The following CTNND2 variants were observed in gnomAD, a reference collection of about 807,000 sequenced individuals.
The protein encoded by CTNND2 is catenin delta 2.
In CTNND2, 22 loss-of-function variants were observed where a neutral mutation model predicts 144.4. That is an observed-to-expected ratio of 0.15 (90% CI 0.11 to 0.22). The LOEUF is 0.22. CTNND2 is among the 10% of genes least tolerant of loss of function. The probability of loss-of-function intolerance (pLI) is 1.00; values close to 1 mark genes in which losing one functional copy is unlikely to be tolerated. For missense variants in CTNND2, 1,353 were observed against 1,618.8 expected (o/e 0.84, Z 2.82); for synonymous variants, 751 against 695.6 (o/e 1.08, Z -1.25).
intron 9 of CTNND2, among the ~76,000 whole-genome samples, chr5:11,342,757 T>C (rs550495204): frequency 1.5e-4 from 23 of 152,328 alleles, no homozygotes; most frequent in African/African-American, 4.8e-4. Context: ...TGTTTCATCA[T>C]CAAATTTTCA....
intron 2 of CTNND2, among the ~76,000 whole-genome samples, chr5:11,655,350 G>A (rs1782856950): frequency 6.6e-6 from 1 of 151,564 alleles, no homozygotes; most frequent in Admixed American, 6.6e-5. Context: ...ATTATTTCCT[G>A]GATCTTTCAT....
intron 10 of CTNND2, among the ~76,000 whole-genome samples, chr5:11,202,055 TTTAG>T (rs1737498684): frequency 1.3e-5 from 2 of 152,328 alleles, no homozygotes; most frequent in African/African-American, 4.8e-5. Context: ...GTTCTCTGAA[TTTAG>T]TTATTTAAAT....
intron 1 of CTNND2, among the ~76,000 whole-genome samples, chr5:11,762,336 T>C (rs768193220): frequency 9.9e-5 from 15 of 152,240 alleles, no homozygotes; most frequent in Non-Finnish European, 1.9e-4. Context: ...GAGTCTTTAA[T>C]AGAGCAGAGA....
At chr5:11,601,925 C>A (rs1779815446) in intron 2 of CTNND2, among the ~76,000 whole-genome samples, 3 of 152,038 alleles carry the variant, frequency 2.0e-5, no homozygotes, top group African/African-American at 7.2e-5. Context: ...AGAACATTCA[C>A]CAGAACCTGT....
At chr5:11,327,865 T>C (rs2642714) in intron 9 of CTNND2, among the ~76,000 whole-genome samples, 9,454 of 152,270 alleles carry the variant, frequency 0.062, 1,005 homozygotes, top group African/African-American at 0.22. Context: ...ACCCAGGTCT[T>C]AGAACCTTAT....
chr5:11,320,088 A>G (rs919760756), intron 9 of CTNND2, among the ~76,000 whole-genome samples: 3 of 152,208 alleles, frequency 2.0e-5, no homozygotes, highest in Admixed American at 6.5e-5. Context: ...CGGAGTTTAC[A>G]TTCCAGTTCA....
At chr5:11,601,919 C>T (rs1018082203) in intron 2 of CTNND2, among the ~76,000 whole-genome samples, 3 of 152,064 alleles carry the variant, frequency 2.0e-5, no homozygotes, top group African/African-American at 7.2e-5. Flanking sequence ...TGTCTCAGAA[C>T]ATTCACCAGA....
chr5:11,479,352 C>G (rs1388712690), intron 3 of CTNND2, among the ~76,000 whole-genome samples: 1 of 152,134 alleles, frequency 6.6e-6, no homozygotes, highest in Non-Finnish European at 1.5e-5. Flanking sequence ...TGGCTGTGTA[C>G]AATTCCATGG....
At chr5:11,111,144 C>T (rs1752926284) in intron 13 of CTNND2, 101 bp from the exon 14 acceptor site, 1 of 1,269,208 alleles carries the variant, frequency 7.9e-7, no homozygotes, top group African/African-American at 1.5e-5. Flanking sequence ...ACACATTTCT[C>T]TTTGGAAGTG....
chr5:11,650,157 A>C (rs1782575032), intron 2 of CTNND2, among the ~76,000 whole-genome samples: 1 of 152,108 alleles, frequency 6.6e-6, no homozygotes, highest in East Asian at 1.9e-4. Flanking sequence ...TCCCCCTTGC[A>C]GTTTTCATGA....
intron 2 of CTNND2, among the ~76,000 whole-genome samples, chr5:11,618,665 A>G (rs943903646): frequency 6.6e-6 from 1 of 152,232 alleles, no homozygotes; most frequent in African/African-American, 2.4e-5. Context: ...TTACCAAGAA[A>G]TAATTACCAC....
intron 16 of CTNND2, among the ~76,000 whole-genome samples, chr5:11,049,263 C>A (rs1243139198): frequency 6.6e-6 from 1 of 152,122 alleles, no homozygotes; most frequent in Admixed American, 6.5e-5. Flanking sequence ...GAACGTCATG[C>A]CTCATGGGCT....
intron 3 of CTNND2, among the ~76,000 whole-genome samples, chr5:11,490,835 G>A (rs1465233407): frequency 6.6e-6 from 1 of 152,002 alleles, no homozygotes; most frequent in African/African-American, 2.4e-5. Context: ...CAAAATAAAA[G>A]TAGAAGGCCT....
intron 9 of CTNND2, among the ~76,000 whole-genome samples, chr5:11,247,758 A>C (rs1285447567): frequency 6.6e-6 from 1 of 152,208 alleles, no homozygotes; most frequent in African/African-American, 2.4e-5. Flanking sequence ...GCTTCTATAT[A>C]GAATATTTAG....
intron 16 of CTNND2, among the ~76,000 whole-genome samples, chr5:11,079,921 T>C (rs1411334422): frequency 6.6e-6 from 1 of 152,170 alleles, no homozygotes; most frequent in Admixed American, 6.5e-5. Flanking sequence ...TGGGCAATAA[T>C]GTTTTTGGAT....
In CTNND2 at chr5:11,346,638, A is replaced by G; in HGVS notation, c.1373-11T>C. The G allele has an allele frequency of 6.9e-7, 1 of 1,456,232 alleles. No individual in the cohort carries two copies. The highest frequency in any genetic ancestry group is 9.1e-7 in the Non-Finnish European group (1 of 1,100,778). 90.2% of individuals were successfully genotyped at this position (1,456,232 alleles called of 1,614,324 possible). On this transcript the variant is annotated splice_polypyrimidine_tract_variant and intron_variant, in intron 8 of 21. Transcript: ENST00000304623. ...CAGGGGAAGATGGGGCTACGACAGG[A>G]AAGTAGGGACAAAGTAAAAAATTGA...
At chr5:11,005,373 G>T (rs1740379078) in intron 18 of CTNND2, among the ~76,000 whole-genome samples, 1 of 152,206 alleles carries the variant, frequency 6.6e-6, no homozygotes, top group African/African-American at 2.4e-5. Context: ...CAGGAGAATG[G>T]CCAGGTCAGA....
At chr5:11,736,533 A>G (rs1042023796) in intron 1 of CTNND2, among the ~76,000 whole-genome samples, 2 of 152,150 alleles carry the variant, frequency 1.3e-5, no homozygotes, top group Non-Finnish European at 2.9e-5. Context: ...TCCAATCACA[A>G]TCTTCTCAGC....
At chr5:11,527,443 G>C (rs1251505929) in intron 3 of CTNND2, among the ~76,000 whole-genome samples, 1 of 152,108 alleles carries the variant, frequency 6.6e-6, no homozygotes, top group South Asian at 2.1e-4. Context: ...CCTTCTGGGA[G>C]CCTGCCCTGG....
Sources: allele counts gnomAD v4.1 joint callset (sites outside exome capture counted in the v4.1 genomes callset), GRCh38; gene constraint gnomAD v4.1.1; transcripts MANE v1.5; gene names NCBI Gene and HGNC (gene_info 2026-07-23, HGNC 2026-07-21).